Variants in PTPN13 observed in about 807,000 individuals in gnomAD.
The protein encoded by PTPN13 is protein tyrosine phosphatase non-receptor type 13.
A neutral mutation model predicts 284.0 loss-of-function variants in PTPN13; 191 were observed. That is an observed-to-expected ratio of 0.67 (90% CI 0.60 to 0.76). The LOEUF (loss-of-function observed/expected upper bound fraction) is 0.76, where lower values mean the gene tolerates loss of function less well. PTPN13 is among the 30% of genes least tolerant of loss of function. The pLI is 0.00. For synonymous variants in PTPN13, 986 were observed against 1,022.3 expected, an observed-to-expected ratio of 0.96 and a Z score of 0.68; for missense variants, 2,797 against 2,939.9, an observed-to-expected ratio of 0.95 and a Z score of 1.12.
intron 15 of PTPN13, 84 bp from the exon 16 acceptor site, chr4:86,741,550 G>A (rs28682899): frequency 0.099 from 125,807 of 1,273,746 alleles, 7,007 homozygotes; most frequent in Non-Finnish European, 0.11. Flanking sequence ...GGGGGGACAC[G>A]GCCAAACCAT....
At position 86,804,534 on chromosome 4, in the gene PTPN13, C is replaced by T. The variant is rs530732907; in HGVS notation, c.6654+677C>T. ...AATTAAGGTATACTCTTCTCATCGC[C>T]ATGCTATGGAATGATTTGTTCTTCA... On this transcript the variant is annotated intron_variant, in intron 43 of 47. Coordinates refer to ENST00000411767, the MANE Select transcript of PTPN13 (RefSeq NM_080683.3). Among the ~76,000 whole-genome samples the T allele has an allele frequency of 3.3e-5, 5 of 152,292 alleles. No homozygotes were observed. The East Asian group carries it at 9.6e-4, about 29-fold the overall frequency.
At chr4:86,668,940 C>A (rs193058748) in intron 2 of PTPN13, among the ~76,000 whole-genome samples, 134 of 151,538 alleles carry the variant, frequency 8.8e-4, no homozygotes, top group African/African-American at 3.2e-3. Flanking sequence ...AAAGTATGAT[C>A]CTCCTTGGTA....
At chr4:86,647,782 A>T (rs2148791307) in intron 2 of PTPN13, among the ~76,000 whole-genome samples, 1 of 152,228 alleles carries the variant, frequency 6.6e-6, no homozygotes, top group Non-Finnish European at 1.5e-5. Context: ...ACGTAAACAC[A>T]TACAGAAGGA....
chr4:86,626,162 A>G (rs1721812452), intron 1 of PTPN13, among the ~76,000 whole-genome samples: 1 of 152,114 alleles, frequency 6.6e-6, no homozygotes, highest in Non-Finnish European at 1.5e-5. Flanking sequence ...GCAGAGAGGG[A>G]CTGAAGAATT....
intron 2 of PTPN13, among the ~76,000 whole-genome samples, chr4:86,663,662 C>T (rs1337853185): frequency 6.6e-6 from 1 of 152,164 alleles, no homozygotes; most frequent in Non-Finnish European, 1.5e-5. Context: ...TTCTAAATGT[C>T]AGTGGCAGTC....
At chr4:86,767,767 A>C in intron 27 of PTPN13, 50 bp from the exon 28 acceptor site, 3 of 1,376,976 alleles carry the variant, frequency 2.2e-6, no homozygotes, top group Non-Finnish European at 2.9e-6. Flanking sequence ...AAATGTATCT[A>C]TTTTCTTAGC....
At chr4:86,604,181 G>T (rs1453077257) in intron 1 of PTPN13, among the ~76,000 whole-genome samples, 1 of 151,938 alleles carries the variant, frequency 6.6e-6, no homozygotes, top group Non-Finnish European at 1.5e-5. Flanking sequence ...TCCTCGGTTT[G>T]AGTTTTAGCT....
intron 43 of PTPN13, 49 bp from the exon 44 acceptor site, chr4:86,805,230 C>A: frequency 7.9e-7 from 1 of 1,260,618 alleles, no homozygotes; most frequent in Non-Finnish European, 1.1e-6. Context: ...GAAGTTATTA[C>A]TGAATTACTG....
intron 42 of PTPN13, 143 bp from the exon 43 acceptor site, chr4:86,803,566 G>A (rs1744300690): frequency 1.1e-5 from 9 of 854,690 alleles, no homozygotes; most frequent in Middle Eastern, 3.3e-4. Context: ...GCACTCCATC[G>A]TAGGCGACAG....
At position 86,759,064 on chromosome 4, in the gene PTPN13, A is replaced by G. The variant is rs748431790; in HGVS notation, c.3544A>G (p.Ile1182Val). ...TGTTATCTCTCAGCCAAAAGAAAAG[A>G]TATCCAAAGGTAATGTGAATGTCTC... ...TLVISQPKEK[I>V]SKVPSTPVHL... Residue 1182 changes from isoleucine (I) to valine (V), a missense_variant, in exon 23 of 48, where the codon ATA (isoleucine) becomes GTA (valine). By Grantham distance (29) the Ile-to-Val change is conservative (BLOSUM62 3). Transcript: ENST00000411767. The G allele has an allele frequency of 2.5e-6, 4 of 1,612,966 alleles. No homozygotes were observed. The highest frequency in any genetic ancestry group is 3.4e-6 in the Non-Finnish European group (4 of 1,179,428).
At chr4:86,696,353 A>T (rs1000610351) in intron 6 of PTPN13, among the ~76,000 whole-genome samples, 3 of 151,950 alleles carry the variant, frequency 2.0e-5, no homozygotes, top group African/African-American at 4.8e-5. Flanking sequence ...ATATATTTGT[A>T]GTATACTTCT....
In PTPN13 at chr4:86,703,080, T is replaced by C. The variant is rs753650826; in HGVS notation, c.1195+1279T>C. On this transcript the variant is annotated intron_variant, in intron 7 of 47. Coordinates refer to ENST00000411767, the MANE Select transcript of PTPN13 (RefSeq NM_080683.3). ...TGCATTGTTTTTTCAATTTCAGGAA[T>C]TGAAAATTAGTAAAGAATTTGAAAT... Among the ~76,000 whole-genome samples, 23 of 152,224 alleles carry C rather than the reference T, an allele frequency of 1.5e-4. No homozygotes were observed. In the Middle Eastern group the frequency reaches 0.01, roughly 68 times the overall value.
intron 41 of PTPN13, among the ~76,000 whole-genome samples, chr4:86,797,582 C>G (rs192823268): frequency 6.6e-6 from 1 of 152,010 alleles, no homozygotes; most frequent in East Asian, 1.9e-4. Flanking sequence ...ACTATTGCTT[C>G]AAGAAAGCAA....
intron 7 of PTPN13, among the ~76,000 whole-genome samples, chr4:86,703,558 A>G (rs1359537636): frequency 6.6e-6 from 1 of 151,514 alleles, no homozygotes; most frequent in African/African-American, 2.4e-5. Context: ...TCTTTTTTTT[A>G]TTGTGAATGT....
At chr4:86,687,306 C>T (rs948303800) in intron 4 of PTPN13, among the ~76,000 whole-genome samples, 1 of 152,136 alleles carries the variant, frequency 6.6e-6, no homozygotes, top group African/African-American at 2.4e-5. Flanking sequence ...TAAAGTAACA[C>T]TTGCTGAGGT....
intron 40 of PTPN13, among the ~76,000 whole-genome samples, chr4:86,790,670 G>A (rs984837761): frequency 3.9e-5 from 6 of 152,154 alleles, no homozygotes; most frequent in African/African-American, 1.4e-4. Context: ...GGGCTTTGTG[G>A]TAGGAAGAGA....
chr4:86,748,156 A>G (rs1047828852), intron 17 of PTPN13, among the ~76,000 whole-genome samples: 1 of 152,252 alleles, frequency 6.6e-6, no homozygotes, highest in Non-Finnish European at 1.5e-5. Context: ...TCTCATAAAA[A>G]GAGAATATGA....
chr4:86,672,186 T>C (rs1471577037), intron 2 of PTPN13, among the ~76,000 whole-genome samples, 179 bp from the exon 3 acceptor site: 1 of 152,254 alleles, frequency 6.6e-6, no homozygotes, highest in African/African-American at 2.4e-5. Context: ...CTACCTGTTG[T>C]ATTTGTATGA....
intron 43 of PTPN13, 31 bp downstream of exon 43, chr4:86,803,888 A>G (rs373852679): frequency 3.0e-5 from 49 of 1,607,372 alleles, no homozygotes; most frequent in Non-Finnish European, 3.9e-5. Flanking sequence ...ATTCTCTCCC[A>G]AAGTGTATGC....
Sources: gnomAD v4.1 joint callset for allele counts (sites outside exome capture counted in the v4.1 genomes callset) on GRCh38, gnomAD v4.1.1 for gene constraint, MANE v1.5 for transcripts, NCBI Gene and HGNC (gene_info 2026-07-23, HGNC 2026-07-21) for gene names.